Variants in EBF2 observed in about 807,000 individuals in gnomAD.
The protein encoded by EBF2 is transcription factor COE2.
EBF2 carries 21 observed loss-of-function variants against 72.8 expected under a neutral mutation model. The observed-to-expected ratio is 0.29, with a 90% CI of 0.20 to 0.42. The LOEUF (loss-of-function observed/expected upper bound fraction) is 0.42. Ranked by LOEUF, EBF2 falls within the 10% of genes least tolerant of loss-of-function variation. EBF2 has a pLI of 1.00. For missense variants in EBF2, 637 were observed against 731.2 expected, an observed-to-expected ratio of 0.87 and a Z score of 1.49; for synonymous variants, 299 against 274.2, an observed-to-expected ratio of 1.09 and a Z score of -0.89.
chr8:25,966,945 C>T (rs1311893722), intron 6 of EBF2, among the ~76,000 whole-genome samples: 6 of 152,172 alleles, frequency 3.9e-5, no homozygotes, highest in Admixed American at 6.5e-5. Context: ...GCCCAGACAC[C>T]ATCCCTGAAC....
chr8:25,910,682 A>G (rs1378194336), intron 6 of EBF2, among the ~76,000 whole-genome samples: 1 of 152,150 alleles, frequency 6.6e-6, no homozygotes, highest in East Asian at 1.9e-4. Flanking sequence ...AGGACCCTTA[A>G]CAGTGATTTG....
At chr8:25,954,237 C>T (rs12682584) in intron 6 of EBF2, among the ~76,000 whole-genome samples, 148,319 of 152,280 alleles carry the variant, frequency 0.97, 72,256 homozygotes, top group East Asian at 1. Flanking sequence ...GATATCGGGC[C>T]ACCTGGAAAC....
intron 6 of EBF2, among the ~76,000 whole-genome samples, chr8:26,018,082 G>C (rs1805141486): frequency 6.6e-6 from 1 of 151,668 alleles, no homozygotes; most frequent in Non-Finnish European, 1.5e-5. Flanking sequence ...AGGATCCCTA[G>C]GGAGACAACG....
intron 6 of EBF2, among the ~76,000 whole-genome samples, chr8:25,999,485 G>C (rs1804686658): frequency 6.6e-6 from 1 of 152,070 alleles, no homozygotes; most frequent in African/African-American, 2.4e-5. Flanking sequence ...AAGAGAACTT[G>C]CAATTTTTTT....
chr8:25,963,278 C>T (rs560947872), intron 6 of EBF2, among the ~76,000 whole-genome samples: 2 of 152,288 alleles, frequency 1.3e-5, no homozygotes, highest in South Asian at 4.2e-4. Context: ...TTGGCCTCTG[C>T]ATCTCATTTT....
chr8:25,967,726 G>T (rs985201745), intron 6 of EBF2, among the ~76,000 whole-genome samples: 1 of 152,208 alleles, frequency 6.6e-6, no homozygotes, highest in Non-Finnish European at 1.5e-5. Context: ...CTCCATGAAT[G>T]CAGCAAAGAG....
chr8:25,868,904 T>A (rs956687548), intron 10 of EBF2, among the ~76,000 whole-genome samples: 2 of 152,204 alleles, frequency 1.3e-5, no homozygotes, highest in Admixed American at 1.3e-4. Context: ...TCTTCCCACC[T>A]CTTTCTCTCC....
intron 6 of EBF2, among the ~76,000 whole-genome samples, chr8:25,930,382 C>A (rs1327200084): frequency 6.6e-6 from 1 of 152,148 alleles, no homozygotes; most frequent in Non-Finnish European, 1.5e-5. Context: ...CCTCTCTGAG[C>A]CTCACTCATA....
At chr8:26,011,183 C>A (rs1804975338) in intron 6 of EBF2, among the ~76,000 whole-genome samples, 1 of 152,158 alleles carries the variant, frequency 6.6e-6, no homozygotes, top group African/African-American at 2.4e-5. Flanking sequence ...GGGTTGTTCC[C>A]AAGGAAATTG....
chr8:25,861,486 A>G, intron 11 of EBF2, 112 bp from the exon 12 acceptor site: 4 of 1,193,112 alleles, frequency 3.4e-6, no homozygotes, highest in Non-Finnish European at 4.9e-6. Flanking sequence ...AAATGTAAGT[A>G]ATTAGCCAAG....
At chr8:25,921,303 AT>A (rs1424466410) in intron 6 of EBF2, among the ~76,000 whole-genome samples, 2 of 152,170 alleles carry the variant, frequency 1.3e-5, no homozygotes, top group African/African-American at 4.8e-5. Context: ...TTTCATTAGA[AT>A]TTTTTTAACT....
chr8:25,858,250 CA>C, intron 14 of EBF2, 68 bp downstream of exon 14: 1 of 1,582,296 alleles, frequency 6.3e-7, no homozygotes, highest in South Asian at 1.1e-5. Context: ...AACTTTCTCC[CA>C]AAAGGCCCAA....
intron 6 of EBF2, among the ~76,000 whole-genome samples, chr8:25,993,129 A>T (rs1181187551): frequency 2.0e-5 from 3 of 152,158 alleles, no homozygotes; most frequent in Non-Finnish European, 4.4e-5. Flanking sequence ...AAAACAGAAG[A>T]TGAGGTCATT....
intron 15 of EBF2, among the ~76,000 whole-genome samples, chr8:25,845,726 A>AG (rs1563371281): frequency 6.6e-6 from 1 of 152,228 alleles, no homozygotes; most frequent in Non-Finnish European, 1.5e-5. Flanking sequence ...TGGCTTTCAG[A>AG]GGATAAGCCC....
intron 6 of EBF2, among the ~76,000 whole-genome samples, chr8:25,910,522 G>GT (rs1466113401): frequency 1.3e-5 from 2 of 152,256 alleles, no homozygotes; most frequent in Non-Finnish European, 2.9e-5. Context: ...GCTCCAAAAT[G>GT]TATCTGGTGA....
At chr8:25,975,340 C>T (rs1296202548) in intron 6 of EBF2, among the ~76,000 whole-genome samples, 1 of 152,190 alleles carries the variant, frequency 6.6e-6, no homozygotes, top group East Asian at 1.9e-4. Flanking sequence ...ACAGAATCAA[C>T]TGTCTCAGTA....
At chr8:25,883,269 G>A (rs538106057) in intron 10 of EBF2, among the ~76,000 whole-genome samples, 7 of 152,112 alleles carry the variant, frequency 4.6e-5, no homozygotes, top group South Asian at 2.1e-4. Flanking sequence ...TTCCTATTTC[G>A]CTTCAAAAAT....
chr8:25,864,151 C>G (rs1400914185), intron 10 of EBF2, among the ~76,000 whole-genome samples: 2 of 151,994 alleles, frequency 1.3e-5, no homozygotes, highest in South Asian at 4.2e-4. Context: ...ATTACTGGAC[C>G]AAAAATTATG....
At chr8:25,867,374 A>T (rs1802351441) in intron 10 of EBF2, among the ~76,000 whole-genome samples, 2 of 152,228 alleles carry the variant, frequency 1.3e-5, no homozygotes, top group South Asian at 4.1e-4. Flanking sequence ...CACCAATAGC[A>T]TTTTAGCCAA....
Sources: gnomAD v4.1 joint callset for allele counts (sites outside exome capture counted in the v4.1 genomes callset) on GRCh38, gnomAD v4.1.1 for gene constraint, MANE v1.5 for transcripts, NCBI Gene and HGNC (gene_info 2026-07-23, HGNC 2026-07-21) for gene names.